The following NUDCD1 variants were observed in gnomAD, a reference collection of about 807,000 sequenced individuals.
The protein encoded by NUDCD1 is NudC domain containing 1, also known as nudC domain-containing protein 1.
In NUDCD1, 60 loss-of-function variants were observed where a neutral mutation model predicts 67.8. The ratio of observed to expected loss-of-function variants is 0.88; its 90% CI spans 0.72 to 1.10. The LOEUF (loss-of-function observed/expected upper bound fraction) is 1.10. Ranked by LOEUF, NUDCD1 falls within the 50% of genes least tolerant of loss-of-function variation. The probability of loss-of-function intolerance (pLI) is 0.00; values close to 1 mark genes in which losing one functional copy is unlikely to be tolerated. For missense variants in NUDCD1, 643 were observed against 695.0 expected, an observed-to-expected ratio of 0.93 and a Z score of 0.84; for synonymous variants, 244 against 230.8, an observed-to-expected ratio of 1.06 and a Z score of -0.52.
chr8:109,300,640 GGAA>G (rs1286433871), intron 2 of NUDCD1, among the ~76,000 whole-genome samples: 2 of 152,154 alleles, frequency 1.3e-5, no homozygotes, highest in Non-Finnish European at 1.5e-5. Flanking sequence ...GCATTCCTGT[GGAA>G]GAAGAGAAAT....
At chr8:109,281,194 A>G (rs185839850) in intron 5 of NUDCD1, 22 bp from the exon 6 acceptor site, 21 of 1,508,718 alleles carry the variant, frequency 1.4e-5, no homozygotes, top group South Asian at 1.4e-4. Context: ...AGAAAAATGC[A>G]TCATGTAATA....
intron 8 of NUDCD1, among the ~76,000 whole-genome samples, chr8:109,246,223 T>C (rs1478281221): frequency 6.6e-6 from 1 of 152,300 alleles, no homozygotes; most frequent in East Asian, 1.9e-4. Flanking sequence ...AATACACACA[T>C]GAAGTTTACT....
At chr8:109,326,520 T>C (rs942314768) in intron 1 of NUDCD1, among the ~76,000 whole-genome samples, 2 of 152,102 alleles carry the variant, frequency 1.3e-5, no homozygotes, top group African/African-American at 2.4e-5. Context: ...AATCTCTGCA[T>C]AGATCTTTGT....
chr8:109,296,290 G>T, intron 3 of NUDCD1, 94 bp downstream of exon 3: 2 of 996,466 alleles, frequency 2.0e-6, no homozygotes, highest in Non-Finnish European at 3.1e-6. Context: ...CAGATCACAT[G>T]TAAACCATCC....
intron 1 of NUDCD1, among the ~76,000 whole-genome samples, chr8:109,333,674 G>A (rs145823488): frequency 5.4e-4 from 82 of 152,330 alleles, no homozygotes; most frequent in African/African-American, 1.9e-3. Flanking sequence ...GCTGACGGAG[G>A]GGGCCCAGGG....
At chr8:109,260,679 C>A (rs114464601) in intron 8 of NUDCD1, among the ~76,000 whole-genome samples, 1 of 152,164 alleles carries the variant, frequency 6.6e-6, no homozygotes, top group African/African-American at 2.4e-5. Flanking sequence ...AGTATTGCTA[C>A]GCATACACAC....
intron 1 of NUDCD1, among the ~76,000 whole-genome samples, chr8:109,332,366 T>C (rs2130163926): frequency 6.6e-6 from 1 of 152,234 alleles, no homozygotes; most frequent in Admixed American, 6.5e-5. Flanking sequence ...AGACAGTGGC[T>C]AAAAGAAATA....
At chr8:109,299,048 TGA>T (rs1586289557) in intron 2 of NUDCD1, 1 of 152,222 alleles carries the variant, frequency 6.6e-6, no homozygotes, top group East Asian at 1.9e-4. Context: ...CTGAGTCACT[TGA>T]GAGAGCTGAG....
intron 5 of NUDCD1, among the ~76,000 whole-genome samples, chr8:109,289,332 G>A (rs1161626017): frequency 6.6e-6 from 1 of 152,046 alleles, no homozygotes; most frequent in Non-Finnish European, 1.5e-5. Context: ...ATAAAATTAT[G>A]TGATTCTGCC....
At chr8:109,305,847 C>T (rs1815089900) in intron 2 of NUDCD1, among the ~76,000 whole-genome samples, 1 of 152,120 alleles carries the variant, frequency 6.6e-6, no homozygotes, top group Admixed American at 6.6e-5. Context: ...AAAGCTGTGC[C>T]CGTCAGCCAG....
intron 8 of NUDCD1, among the ~76,000 whole-genome samples, chr8:109,256,433 A>T (rs1813739930): frequency 6.8e-6 from 1 of 146,358 alleles, no homozygotes; most frequent in South Asian, 2.3e-4. Flanking sequence ...CTTTTGCATC[A>T]GATGTGTGTG....
intron 2 of NUDCD1, among the ~76,000 whole-genome samples, chr8:109,299,310 GA>G (rs1318600174): frequency 6.6e-6 from 1 of 152,196 alleles, no homozygotes; most frequent in Non-Finnish European, 1.5e-5. Context: ...GGCAAAGAAG[GA>G]AAGCCATATT....
intron 8 of NUDCD1, among the ~76,000 whole-genome samples, chr8:109,250,685 AT>A (rs542290529): frequency 3.6e-4 from 55 of 151,172 alleles, no homozygotes; most frequent in African/African-American, 1.2e-3. Flanking sequence ...AACGAATGGT[AT>A]TTTTTTTTCA....
At chr8:109,280,446 C>T (rs557119696) in intron 6 of NUDCD1, among the ~76,000 whole-genome samples, 6 of 152,220 alleles carry the variant, frequency 3.9e-5, no homozygotes, top group African/African-American at 1.2e-4. Flanking sequence ...TGCAGCTAGC[C>T]GCCAAAAGTA....
At position 109,281,078 on chromosome 8, in the gene NUDCD1, A is replaced by T. The variant is rs138200131; in HGVS notation, c.918T>A (p.Phe306Leu). 8 of 1,613,028 alleles carry T rather than the reference A, an allele frequency of 5.0e-6. No individual in the cohort carries two copies. The African/African-American group carries it at 6.7e-5, about 13-fold the overall frequency. Residue 306 changes from phenylalanine to leucine, a missense_variant, in exon 6 of 10, where the codon TTT (phenylalanine) becomes TTA (leucine). Phe to Leu is a conservative substitution (Grantham distance 22, BLOSUM62 0). Transcript: ENST00000239690. ...DSTKEDIQIQ[F>L]LPDHINIVLK... ...GTACAATGTTGATGTGATCAGGCAA[A>T]AACTGTATTTGAATGTCCTCCTTAG... is the stretch of plus-strand genomic sequence containing the variant.
chr8:109,294,004 A>G (rs973631436), intron 3 of NUDCD1, among the ~76,000 whole-genome samples: 7 of 152,126 alleles, frequency 4.6e-5, no homozygotes, highest in Non-Finnish European at 1.0e-4. Flanking sequence ...AAAAGCAAAA[A>G]AGCATCATAT....
intron 6 of NUDCD1, among the ~76,000 whole-genome samples, chr8:109,279,852 G>A (rs375425099): frequency 3.3e-5 from 5 of 151,722 alleles, no homozygotes; most frequent in East Asian, 3.9e-4. Flanking sequence ...GGCTGGTCTC[G>A]AACTCCTGAC....
intron 2 of NUDCD1, among the ~76,000 whole-genome samples, chr8:109,302,486 T>G (rs2130065902): frequency 6.6e-6 from 1 of 152,228 alleles, no homozygotes; most frequent in African/African-American, 2.4e-5. Context: ...CTCCCCAGGC[T>G]GTGCCTCGCC....
chr8:109,304,889 C>T (rs1160214472), intron 2 of NUDCD1, among the ~76,000 whole-genome samples: 1 of 152,178 alleles, frequency 6.6e-6, no homozygotes, highest in Non-Finnish European at 1.5e-5. Context: ...GAAACTTCCA[C>T]CTATCAATCC....
Sources: allele counts gnomAD v4.1 joint callset (sites outside exome capture counted in the v4.1 genomes callset), GRCh38; gene constraint gnomAD v4.1.1; transcripts MANE v1.5; gene names NCBI Gene and HGNC (gene_info 2026-07-23, HGNC 2026-07-21).